ANKRD11: variants seen among roughly 807,000 people sequenced by gnomAD.
ANKRD11 encodes the protein ankyrin repeat domain 11.
A neutral mutation model predicts 195.7 loss-of-function variants in ANKRD11; 17 were observed. That is an observed-to-expected ratio of 0.09 (90% confidence interval 0.06 to 0.13). The LOEUF is 0.13. ANKRD11 is among the 10% of genes least tolerant of loss of function. ANKRD11 has a pLI of 1.00. For missense variants in ANKRD11, 3,735 were observed against 3,566.1 expected (o/e 1.05, Z -1.21); for synonymous variants, 1,953 against 1,528.1 (o/e 1.28, Z -6.49).
chr16:89,370,495 C>T (rs143700327), intron 2 of ANKRD11, among the ~76,000 whole-genome samples: 46 of 152,276 alleles, frequency 3.0e-4, no homozygotes, highest in African/African-American at 1.1e-3. Flanking sequence ...GAGGCAAATT[C>T]CCCCAACCAA....
intron 2 of ANKRD11, chr16:89,323,703 C>A: frequency 3.5e-6 from 1 of 286,156 alleles, no homozygotes; most frequent in Non-Finnish European, 6.8e-6. Context: ...CCAGCCTCCA[C>A]ACACCCCTGC....
chr16:89,345,223 G>A (rs1054840183), intron 2 of ANKRD11, among the ~76,000 whole-genome samples: 1 of 152,064 alleles, frequency 6.6e-6, no homozygotes, highest in African/African-American at 2.4e-5. Context: ...AAAAAATGGA[G>A]CGGCAAAAAA....
At chr16:89,388,004 C>T (rs371194736) in intron 2 of ANKRD11, among the ~76,000 whole-genome samples, 1 of 147,074 alleles carries the variant, frequency 6.8e-6, no homozygotes, top group African/African-American at 2.5e-5. Flanking sequence ...CAGAGCAAGA[C>T]TCCATCTCAA....
intron 1 of ANKRD11, chr16:89,422,097 T>C (rs1180509009): frequency 1.3e-5 from 2 of 152,180 alleles, no homozygotes; most frequent in Non-Finnish European, 2.9e-5. Context: ...GTGGGTTATT[T>C]GCCACGTTAG....
intron 1 of ANKRD11, among the ~76,000 whole-genome samples, chr16:89,456,680 A>G (rs2056452032): frequency 6.6e-6 from 1 of 152,148 alleles, no homozygotes; most frequent in South Asian, 2.1e-4. Context: ...ACATAGATGG[A>G]CTCCAAAAAC....
At chr16:89,432,908 C>G (rs1029106209) in intron 1 of ANKRD11, among the ~76,000 whole-genome samples, 2 of 151,678 alleles carry the variant, frequency 1.3e-5, no homozygotes, top group African/African-American at 4.8e-5. Context: ...GGCTTTATCA[C>G]AGCCCCACAC....
intron 1 of ANKRD11, among the ~76,000 whole-genome samples, chr16:89,437,361 C>A (rs928810170): frequency 3.3e-5 from 5 of 152,318 alleles, no homozygotes; most frequent in Admixed American, 2.6e-4. Context: ...GTTTTCTTCA[C>A]TCTAATGTTC....
At chr16:89,272,460 G>T (rs2033247699) in intron 11 of ANKRD11, 1 of 152,290 alleles carries the variant, frequency 6.6e-6, no homozygotes, top group African/African-American at 2.4e-5. Flanking sequence ...CCAGCACTTT[G>T]GGAGGCTGAG....
At chr16:89,313,511 A>C in intron 3 of ANKRD11, 1 of 1,289,232 alleles carries the variant, frequency 7.8e-7, no homozygotes, top group South Asian at 1.2e-5. Context: ...GCGCGGCATC[A>C]GGATGCACTG....
intron 2 of ANKRD11, among the ~76,000 whole-genome samples, chr16:89,321,946 G>A (rs1222753369): frequency 1.3e-5 from 2 of 152,202 alleles, no homozygotes; most frequent in Non-Finnish European, 1.5e-5. Flanking sequence ...GCTGCTGCGC[G>A]AGGCTTAAGT....
At chr16:89,269,268 T>TC (rs1246824660) in intron 12 of ANKRD11, among the ~76,000 whole-genome samples, 1 of 151,676 alleles carries the variant, frequency 6.6e-6, no homozygotes, top group Non-Finnish European at 1.5e-5. Context: ...GGATCCTCCC[T>TC]CCTCAACCTC....
intron 1 of ANKRD11, among the ~76,000 whole-genome samples, chr16:89,426,901 G>A (rs1307689684): frequency 6.6e-6 from 1 of 152,222 alleles, no homozygotes; most frequent in Admixed American, 6.5e-5. Context: ...ACACTCATCT[G>A]TTCTGTTTCT....
intron 2 of ANKRD11, among the ~76,000 whole-genome samples, chr16:89,415,198 C>T (rs2042245167): frequency 6.6e-6 from 1 of 151,582 alleles, no homozygotes; most frequent in African/African-American, 2.4e-5. Flanking sequence ...AAGTGATCTA[C>T]CCACCCCTTC....
At chr16:89,309,709 C>T (rs1018027313) in intron 3 of ANKRD11, among the ~76,000 whole-genome samples, 2 of 152,192 alleles carry the variant, frequency 1.3e-5, no homozygotes, top group African/African-American at 2.4e-5. Flanking sequence ...GGCCCTGTTT[C>T]GGCCCCTCTA....
At chr16:89,417,162 TC>T (rs2042343583) in intron 2 of ANKRD11, among the ~76,000 whole-genome samples, 3 of 152,146 alleles carry the variant, frequency 2.0e-5, no homozygotes, top group Non-Finnish European at 1.5e-5. Context: ...AAGAAAGCAG[TC>T]AGGTGTATTT....
chr16:89,325,869 C>T (rs947635213), intron 2 of ANKRD11, among the ~76,000 whole-genome samples: 9 of 152,150 alleles, frequency 5.9e-5, no homozygotes, highest in African/African-American at 1.9e-4. Flanking sequence ...GAAGGAGGGC[C>T]CCATCGCCCT....
intron 1 of ANKRD11, among the ~76,000 whole-genome samples, chr16:89,451,409 T>G (rs1433251492): frequency 1.7e-5 from 2 of 120,258 alleles, no homozygotes; most frequent in Non-Finnish European, 3.6e-5. Context: ...TTTCACAAAT[T>G]ACTTTTTTTT....
chr16:89,348,313 T>A (rs1185146544), intron 2 of ANKRD11, among the ~76,000 whole-genome samples: 1 of 152,228 alleles, frequency 6.6e-6, no homozygotes, highest in African/African-American at 2.4e-5. Context: ...TACACTACAT[T>A]GATTTTTAAA....
At chr16:89,480,122 AT>A (rs1426100673) in intron 1 of ANKRD11, among the ~76,000 whole-genome samples, 1 of 150,992 alleles carries the variant, frequency 6.6e-6, no homozygotes, top group African/African-American at 2.4e-5. Flanking sequence ...AAAAAAAAAA[AT>A]TAAGTCTTTC....
Sources: allele counts gnomAD v4.1 joint callset (sites outside exome capture counted in the v4.1 genomes callset), GRCh38; gene constraint gnomAD v4.1.1; transcripts MANE v1.5; gene names NCBI Gene and HGNC (gene_info 2026-07-23, HGNC 2026-07-21).